Variants in APAF1 observed in about 807,000 individuals in gnomAD.
APAF1 encodes the protein apoptotic protease-activating factor 1.
A neutral mutation model predicts 152.4 loss-of-function variants in APAF1; 91 were observed. The ratio of observed to expected loss-of-function variants is 0.60; its 90% CI spans 0.50 to 0.71. The LOEUF is 0.71. Ranked by LOEUF, APAF1 falls within the 30% of genes least tolerant of loss-of-function variation. The pLI is 0.00. For synonymous variants in APAF1, 484 were observed against 494.1 expected (o/e 0.98, Z 0.27); for missense variants, 1,283 against 1,472.0 (o/e 0.87, Z 2.10).
Position 98,671,719 on chromosome 12 carries a change from T to C in APAF1, c.1793T>C (p.Ile598Thr), listed in dbSNP as rs2097680382. The change falls in exon 12 of 27, where the codon ATA (isoleucine) becomes ACA (threonine). Residue 598 changes from isoleucine to threonine, a missense_variant and splice_region_variant. Coordinates refer to ENST00000551964, the MANE Select transcript of APAF1 (RefSeq NM_181861.2). ...VDNGMLYLEWINKKNITNLSR... is the reference protein window; with the variant it reads ...VDNGMLYLEWTNKKNITNLSR... ...AATGGAATGCTTTACCTGGAATGGA[T>C]GTAAGTAGGTTAGGAGAGAAACCAA... is the stretch of plus-strand genomic sequence containing the variant. 1 of 1,613,926 alleles carries C rather than the reference T, an allele frequency of 6.2e-7. No individual in the cohort carries two copies. The highest frequency in any genetic ancestry group is 1.7e-5 in the Admixed American group (1 of 59,998).
At chr12:98,692,434 G>A (rs943921049) in intron 16 of APAF1, among the ~76,000 whole-genome samples, 2 of 152,170 alleles carry the variant, frequency 1.3e-5, no homozygotes, top group South Asian at 2.1e-4. Context: ...AGATTCAGGG[G>A]TACATGTGCA....
intron 4 of APAF1, among the ~76,000 whole-genome samples, chr12:98,655,480 C>T (rs566220586): frequency 2.6e-5 from 4 of 152,042 alleles, no homozygotes; most frequent in South Asian, 2.1e-4. Flanking sequence ...ACCTCCCTCC[C>T]GGACGGGGCG....
chr12:98,671,467 C>T, intron 11 of APAF1, 68 bp from the exon 12 acceptor site: 1 of 1,483,182 alleles, frequency 6.7e-7, no homozygotes, highest in Non-Finnish European at 9.4e-7. Flanking sequence ...GTGGCAAGAT[C>T]ACAGAAATGG....
intron 20 of APAF1, among the ~76,000 whole-genome samples, chr12:98,711,174 T>A (rs1010154145): frequency 2.0e-5 from 3 of 152,240 alleles, no homozygotes; most frequent in Admixed American, 6.5e-5. Context: ...AGAAAGCTGA[T>A]TCTTCCACTT....
chr12:98,721,286 A>G (rs1258685224), intron 22 of APAF1, among the ~76,000 whole-genome samples: 2 of 152,224 alleles, frequency 1.3e-5, no homozygotes, highest in African/African-American at 4.8e-5. Flanking sequence ...ATTCTTTGTT[A>G]TATCTGCTCC....
Position 98,670,978 on chromosome 12 carries a change from TTG to T in APAF1, c.1503_1504del (p.Ala502PhefsTer9), listed in dbSNP as rs2097679419. On this transcript the variant is annotated frameshift_variant, in exon 11 of 27. Transcript: ENST00000551964. LOFTEE classifies it high-confidence loss of function. ...MASAKMHKELCALMFSLDWIK... is the reference protein window; with the variant it reads ...MASAKMHKELXALMFSLDWIK... ...CTACTTTTTGTTTTTTAAAGGAACT[TTG>T]TGCTTTAATGTTTTCCCTGGATTGG... 1 of 1,611,134 alleles carries T rather than the reference TTG, an allele frequency of 6.2e-7. No individual in the cohort carries two copies. Among genetic ancestry groups the T allele is most frequent in the Admixed American group, 1.7e-5 (1 of 59,966 alleles).
chr12:98,648,689 T>G lies in APAF1; in HGVS notation c.202T>G (p.Tyr68Asp). The G allele has an allele frequency of 1.9e-6, 3 of 1,613,990 alleles. No individual in the cohort carries two copies. The highest frequency in any genetic ancestry group is 2.5e-6 in the Non-Finnish European group (3 of 1,179,926). ...KMILKKDNDS[Y>D]VSFYNALLHE... ...GATACTTAAAAAAGATAATGATTCC[T>G]ACGTATCATTCTACAATGCTCTACT... Residue 68 changes from tyrosine to aspartate, a missense_variant, in exon 3 of 27, where the codon TAC becomes GAC. By Grantham distance (160) the Tyr-to-Asp change is radical. Coordinates refer to ENST00000551964, the MANE Select transcript of APAF1 (RefSeq NM_181861.2).
intron 16 of APAF1, among the ~76,000 whole-genome samples, chr12:98,694,902 T>C (rs2153331393): frequency 6.6e-6 from 1 of 151,382 alleles, no homozygotes; most frequent in East Asian, 1.9e-4. Context: ...TTTTAGACAG[T>C]CTTGGTGTGT....
At position 98,706,612 on chromosome 12, in the gene APAF1, T is replaced by C. The variant is rs1367102176; in HGVS notation, c.2721+2T>C. ...TCTTCTGATGACCAGACAATCAGGG[T>C]GAGAAATATTGAGATTTTCATTTTG... is the stretch of plus-strand genomic sequence containing the variant. On this transcript the variant is annotated splice_donor_variant, in intron 19 of 26. Transcript: ENST00000551964. LOFTEE classifies it high-confidence loss of function. 6.2e-7 allele frequency: 1 copy of C among 1,613,844 alleles called. No homozygotes were observed. Among genetic ancestry groups the C allele is most frequent in the South Asian group, 1.1e-5 (1 of 91,084 alleles).
rs112437685 is a variant in APAF1, at chr12:98,701,950, T to A, written c.2467-1421T>A. 7.3e-4 allele frequency among the ~76,000 whole-genome samples: 111 copies of A among 152,354 alleles called. 1 individual carries two copies. The highest frequency in any genetic ancestry group is 2.4e-3 in the African/African-American group (101 of 41,586). On this transcript the variant is annotated intron_variant, in intron 17 of 26. Coordinates refer to ENST00000551964, the MANE Select transcript of APAF1 (RefSeq NM_181861.2). Reference sequence around the variant, plus strand: ...CGATCACTGTCAGCCACTAATTTTTTAAAAAATGACCTATCTTGGGAAGCA... The same window carrying A: ...CGATCACTGTCAGCCACTAATTTTTAAAAAAATGACCTATCTTGGGAAGCA...
chr12:98,698,740 A>G (rs925618561), intron 16 of APAF1, among the ~76,000 whole-genome samples: 26 of 152,182 alleles, frequency 1.7e-4, no homozygotes, highest in African/African-American at 6.0e-4. Context: ...TCACTCTGTG[A>G]GGCTGAGACA....
rs1288588116 is a variant in APAF1, at chr12:98,732,617, A to C, written c.*51A>C. 1 of 1,295,882 alleles carries C rather than the reference A, an allele frequency of 7.7e-7. No homozygotes were observed. The highest frequency in any genetic ancestry group is 1.1e-6 in the Non-Finnish European group (1 of 917,636). The allele number at this position is 1,295,882 out of a possible 1,614,324, so 80.3% of individuals were successfully genotyped here. On this transcript the variant is annotated 3_prime_UTR_variant, in exon 27 of 27. Coordinates refer to ENST00000551964, the MANE Select transcript of APAF1 (RefSeq NM_181861.2). ...ACTTTTTAAATTTTTGAATTGGAAA[A>C]AAATTCTAATGAAACCCTGATATCA...
Position 98,703,409 on chromosome 12 carries a change from C to T in APAF1, c.2505C>T (p.Ile835=), listed in dbSNP as rs777052715. The change falls in exon 18 of 27, where the codon ATC becomes ATT. Residue 835 remains isoleucine, a synonymous_variant. Transcript: ENST00000551964. ...ATACTAGTGGCCTATTGGGAGAAATCCACACGGGCCATCACAGCACCATCC... is the reference window on the plus strand; with the variant it reads ...ATACTAGTGGCCTATTGGGAGAAATTCACACGGGCCATCACAGCACCATCC... ...DIHTSGLLGE[I]HTGHHSTIQY... The T allele has an allele frequency of 1.9e-6, 3 of 1,614,118 alleles. No homozygotes were observed. Among genetic ancestry groups the T allele is most frequent in the Non-Finnish European group, 2.5e-6 (3 of 1,180,004 alleles).
At chr12:98,707,363 T>C (rs2097722529) in intron 19 of APAF1, among the ~76,000 whole-genome samples, 2 of 152,200 alleles carry the variant, frequency 1.3e-5, no homozygotes, top group Admixed American at 1.3e-4. Flanking sequence ...CTTACCTGTA[T>C]CTCTGTTTGT....
At chr12:98,721,365 C>T (rs2097742477) in intron 22 of APAF1, among the ~76,000 whole-genome samples, 1 of 152,196 alleles carries the variant, frequency 6.6e-6, no homozygotes, top group Non-Finnish European at 1.5e-5. Flanking sequence ...AACATTGAAT[C>T]AGGCAAAGCT....
chr12:98,670,768 A>G lies in APAF1; in HGVS notation c.1495-205A>G, dbSNP rs1048314527. 11 of 400,750 alleles carry G rather than the reference A, an allele frequency of 2.7e-5. No individual in the cohort carries two copies. In the East Asian group the frequency reaches 4.1e-4, roughly 15 times the overall value. The allele number at this position is 400,750 out of a possible 1,614,324, so 24.8% of individuals were successfully genotyped here. A position where few individuals can be genotyped will look rare whatever the true frequency, so the allele number is the denominator to read the frequency against. On this transcript the variant is annotated intron_variant, in intron 10 of 26. Coordinates refer to ENST00000551964, the MANE Select transcript of APAF1 (RefSeq NM_181861.2). ...TTTCTATTTTCTATTTAAATTTTTA[A>G]CCAACTGGAGTTTATTTGGAGCTGA...
chr12:98,700,649 C>G (rs544528519), intron 17 of APAF1, among the ~76,000 whole-genome samples: 1 of 152,332 alleles, frequency 6.6e-6, no homozygotes, highest in South Asian at 2.1e-4. Context: ...TTTTAACCAT[C>G]TAAAAATGTG....
At chr12:98,723,887 C>G in intron 24 of APAF1, 123 bp downstream of exon 24, 2 of 1,063,188 alleles carry the variant, frequency 1.9e-6, no homozygotes, top group Non-Finnish European at 2.9e-6. Flanking sequence ...ATTTTGTGAT[C>G]TTTTGGAGGA....
intron 17 of APAF1, 146 bp from the exon 18 acceptor site, chr12:98,703,225 A>T (rs1368125918): frequency 1.2e-6 from 1 of 820,420 alleles, no homozygotes; most frequent in African/African-American, 1.7e-5. Context: ...ATTGATCCAT[A>T]TTTTGTTTAT....
Sources: allele counts gnomAD v4.1 joint callset (sites outside exome capture counted in the v4.1 genomes callset), GRCh38; gene constraint gnomAD v4.1.1; transcripts MANE v1.5; gene names NCBI Gene and HGNC (gene_info 2026-07-23, HGNC 2026-07-21).